AP1G2: variants seen among roughly 807,000 people sequenced by gnomAD.
AP1G2 encodes adaptor related protein complex 1 subunit gamma 2.
AP1G2 carries 85 observed loss-of-function variants against 95.8 expected under a neutral mutation model. That is an observed-to-expected ratio of 0.89 (90% confidence interval 0.74 to 1.06). The LOEUF (loss-of-function observed/expected upper bound fraction) is 1.06. AP1G2 is among the 50% of genes least tolerant of loss of function. AP1G2 has a pLI of 0.00. For synonymous variants in AP1G2, 378 were observed against 400.0 expected (o/e 0.94, Z 0.66); for missense variants, 967 against 1,005.8 (o/e 0.96, Z 0.52).
chr14:23,564,706 G>A (rs1886919340), intron 8 of AP1G2, 46 bp from the exon 9 acceptor site: 1 of 1,573,282 alleles, frequency 6.4e-7, no homozygotes, highest in Non-Finnish European at 8.7e-7. Flanking sequence ...GCCCTCCTCA[G>A]GTCTCCTTTT....
rs756583964 is a variant in AP1G2 at position 23,560,381 on chromosome 14, T to C, written c.2031A>G (p.Gly677=). 2.0e-5 allele frequency: 32 copies of C among 1,613,916 alleles called. No individual in the cohort carries two copies. Among genetic ancestry groups the C allele is most frequent in the Non-Finnish European group, 2.5e-5 (29 of 1,179,996 alleles). ...IPDLKVFERE[G]VQLNLSFIRP... ...GAATGAAAGACAGATTCAGCTGTAC[T>C]CCCTCACGCTCAAACACTTTGAGAT... Residue 677 remains glycine, a synonymous_variant, in exon 20 of 22, where the codon GGA becomes GGG. Coordinates refer to ENST00000397120, the MANE Select transcript of AP1G2 (RefSeq NM_003917.5).
Position 23,566,339 on chromosome 14 carries a change from C to T in AP1G2, c.410G>A (p.Arg137Gln), listed in dbSNP as rs150816856. Reference protein sequence around the residue: ...LSTMGSAEMCRDLAPEVEKLL... With the variant: ...LSTMGSAEMCQDLAPEVEKLL... ...TTTCTCCACCTCTGGGGCCAGGTCT[C>T]GGCACATCTCAGCAGAGCCCATGGT... The change falls in exon 4 of 22, where the codon CGA becomes CAA. Residue 137 changes from arginine (R) to glutamine (Q), a missense_variant. Coordinates refer to ENST00000397120, the MANE Select transcript of AP1G2 (RefSeq NM_003917.5). 1.8e-4 allele frequency: 291 copies of T among 1,613,998 alleles called. 1 individual carries two copies. Among genetic ancestry groups the T allele is most frequent in the Middle Eastern group, 9.9e-4 (6 of 6,062 alleles).
At chr14:23,563,998 C>A in intron 11 of AP1G2, 48 bp downstream of exon 11, 1 of 1,610,802 alleles carries the variant, frequency 6.2e-7, no homozygotes, top group Non-Finnish European at 8.5e-7. Flanking sequence ...GGCCACAGGG[C>A]ACTGGGAACC....
Position 23,561,221 on chromosome 14 carries a change from G to A in AP1G2, c.1993+75C>T, listed in dbSNP as rs576418669. 245 of 1,498,678 alleles carry A rather than the reference G, an allele frequency of 1.6e-4. No homozygotes were observed. The East Asian group carries it at 4.6e-3, about 28-fold the overall frequency. 92.8% of individuals were successfully genotyped at this position (1,498,678 alleles called of 1,614,324 possible). ...GAAGAAGCAGGGTCCATGAGCCTCA[G>A]CCCTTGGCTTAGGAGGAGGAGCAGT... On this transcript the variant is annotated intron_variant, in intron 19 of 21. Coordinates refer to ENST00000397120, the MANE Select transcript of AP1G2 (RefSeq NM_003917.5).
At chr14:23,562,200 G>C in intron 16 of AP1G2, 88 bp downstream of exon 16, 1 of 1,596,942 alleles carries the variant, frequency 6.3e-7, no homozygotes, top group Non-Finnish European at 8.6e-7. Flanking sequence ...GGGGTAGGGA[G>C]GGCTGGGCAT....
At chr14:23,560,216 G>T in intron 20 of AP1G2, 39 bp downstream of exon 20, 1 of 1,606,410 alleles carries the variant, frequency 6.2e-7, no homozygotes, top group East Asian at 2.2e-5. Context: ...TTTTCTCCTG[G>T]AGTCCCCAGG....
Position 23,567,233 on chromosome 14 carries a change from T to A in AP1G2, c.82A>T (p.Ile28Phe). The A allele has an allele frequency of 6.2e-7, 1 of 1,612,774 alleles. No individual in the cohort carries two copies. Among genetic ancestry groups the A allele is most frequent in the Non-Finnish European group, 8.5e-7 (1 of 1,179,338 alleles). ...CGGATGTGGGCACACTCCTTTTGGA[T>A]CACCTCCCGCTCCTGGGCCTGAGTC... ...AKTQAQEREV[I>F]QKECAHIRAS... Residue 28 changes from isoleucine (I) to phenylalanine (F), a missense_variant, in exon 2 of 22, where the codon ATC becomes TTC. Physicochemically the swap from Ile to Phe is conservative, Grantham distance 21 (BLOSUM62 0). Coordinates refer to ENST00000397120, the MANE Select transcript of AP1G2 (RefSeq NM_003917.5). The surrounding 1 kb of genome is among the most constrained non-coding windows in gnomAD (Gnocchi z 5.3).
At position 23,567,240 on chromosome 14, in the gene AP1G2, C is replaced by A; in HGVS notation, c.75G>T (p.Arg25=). 6.2e-7 allele frequency: 1 copy of A among 1,612,990 alleles called. No individual in the cohort carries two copies. Among genetic ancestry groups the A allele is most frequent in the Non-Finnish European group, 8.5e-7 (1 of 1,179,486 alleles). ...GGGCACACTCCTTTTGGATCACCTCCCGCTCCTGGGCCTGAGTCTTGGCCC... is the reference window on the plus strand; with the variant it reads ...GGGCACACTCCTTTTGGATCACCTCACGCTCCTGGGCCTGAGTCTTGGCCC... ...IRGAKTQAQE[R]EVIQKECAHI... is the part of the protein sequence containing the mutation. Residue 25 remains arginine, a synonymous_variant, in exon 2 of 22, where the codon CGG becomes CGT. Transcript: ENST00000397120. This position sits in a 1 kb window ranked among gnomAD's most constrained non-coding sequence, Gnocchi z 5.3.
intron 16 of AP1G2, 51 bp from the exon 17 acceptor site, chr14:23,562,117 G>T (rs767564556): frequency 6.2e-7 from 1 of 1,604,028 alleles, no homozygotes; most frequent in East Asian, 2.2e-5. Context: ...ACTGCAGGAT[G>T]TGGCAAGAAG....
rs376016480 is a variant in AP1G2, at chr14:23,564,636, G to A, written c.847C>T (p.Arg283Ter). 75 of 1,613,664 alleles carry A rather than the reference G, an allele frequency of 4.6e-5. No individual in the cohort carries two copies. Among genetic ancestry groups the A allele is most frequent in the Non-Finnish European group, 5.1e-5 (60 of 1,180,002 alleles). The change falls in exon 9 of 22, where the codon CGA becomes TGA. Residue 283 changes from arginine to a stop codon, truncating the protein, a stop_gained. Coordinates refer to ENST00000397120, the MANE Select transcript of AP1G2 (RefSeq NM_003917.5). LOFTEE classifies it high-confidence loss of function. ...AQVATNTDTS[R>*]NAGNAVLFET... ...AACAGGACCGCATTTCCGGCATTTCGGCTGGTGTCCGTGTTAGTGGCCACC... is the reference window on the plus strand; with the variant it reads ...AACAGGACCGCATTTCCGGCATTTCAGCTGGTGTCCGTGTTAGTGGCCACC...
At chr14:23,561,113 T>C in intron 19 of AP1G2, 183 bp downstream of exon 19, 1 of 1,324,476 alleles carries the variant, frequency 7.6e-7, no homozygotes, top group East Asian at 2.7e-5. Flanking sequence ...GGGAAAGAAG[T>C]CTGGAACAAA....
In AP1G2 at chr14:23,567,630, T is replaced by C; in HGVS notation, c.-6+109A>G. On this transcript the variant is annotated intron_variant, in intron 1 of 21. Coordinates refer to ENST00000397120, the MANE Select transcript of AP1G2 (RefSeq NM_003917.5). This position sits in a 1 kb window ranked among gnomAD's most constrained non-coding sequence, Gnocchi z 5.3. ...CCATCCCTAGCTCAGCCATTGCTTTTTTTTCCACGACCCTCCGCTGTTTCT... is the reference window on the plus strand; with the variant it reads ...CCATCCCTAGCTCAGCCATTGCTTTCTTTTCCACGACCCTCCGCTGTTTCT... 8.8e-7 allele frequency: 1 copy of C among 1,136,622 alleles called. No individual in the cohort carries two copies. Among genetic ancestry groups the C allele is most frequent in the Non-Finnish European group, 1.1e-6 (1 of 925,318 alleles). 70.4% of individuals were successfully genotyped at this position (1,136,622 alleles called of 1,614,324 possible).
rs750696356 is a variant in AP1G2, at chr14:23,566,368, C to T, written c.381G>A (p.Leu127=). ...ACATCTCAGCAGAGCCCATGGTGCTCAAAGTGCACAAGGCCAGGCCTTGTA... is the reference window on the plus strand; with the variant it reads ...ACATCTCAGCAGAGCCCATGGTGCTTAAAGTGCACAAGGCCAGGCCTTGTA... The part of the protein sequence containing the change: ...QPVQGLALCT[L]STMGSAEMCR... Residue 127 remains leucine, a synonymous_variant, in exon 4 of 22, where the codon TTG becomes TTA. Transcript: ENST00000397120. The T allele has an allele frequency of 6.2e-7, 1 of 1,614,036 alleles. No homozygotes were observed. Among genetic ancestry groups the T allele is most frequent in the South Asian group, 1.1e-5 (1 of 91,080 alleles).
In AP1G2 at chr14:23,565,649, G is replaced by T. The variant is rs747639619; in HGVS notation, c.698C>A (p.Ser233Tyr). The stretch of plus-strand genomic sequence containing the variant: ...GACTCCAGATATGCTGTGTTCTGTG[G>T]AGTATCCCATTGTCACCAGAGTCCG... The part of the protein sequence containing the change: ...ILRTLVTMGY[S>Y]TEHSISGVSD... Residue 233 changes from serine (S) to tyrosine (Y), a missense_variant, in exon 7 of 22, where the codon TCC becomes TAC. Transcript: ENST00000397120. The T allele has an allele frequency of 6.2e-7, 1 of 1,614,068 alleles. No homozygotes were observed. Among genetic ancestry groups the T allele is most frequent in the Non-Finnish European group, 8.5e-7 (1 of 1,180,034 alleles).
At position 23,567,581 on chromosome 14, in the gene AP1G2, C is replaced by T. The variant is rs1441945528; in HGVS notation, c.-6+158G>A. On this transcript the variant is annotated intron_variant, in intron 1 of 21. Transcript: ENST00000397120. The surrounding 1 kb of genome is among the most constrained non-coding windows in gnomAD (Gnocchi z 5.3). ...GGGAGCCCCACCTATTTCTCTCTAC[C>T]GTTTCCTCCCCCTACCTGGTACCCC... 5 of 1,272,768 alleles carry T rather than the reference C, an allele frequency of 3.9e-6. No individual in the cohort carries two copies. The highest frequency in any genetic ancestry group is 4.4e-5 in the Admixed American group (1 of 22,904). 78.8% of individuals were successfully genotyped at this position (1,272,768 alleles called of 1,614,324 possible).
At position 23,564,075 on chromosome 14, in the gene AP1G2, A is replaced by T; in HGVS notation, c.1062T>A (p.Cys354Ter). The change falls in exon 11 of 22, where the codon TGT becomes TGA. Residue 354 changes from cysteine (C) to a stop codon, truncating the protein, a stop_gained. Coordinates refer to ENST00000397120, the MANE Select transcript of AP1G2 (RefSeq NM_003917.5). LOFTEE classifies it high-confidence loss of function. ...VQRHRPTVVE[C>*]LRETDASLSR... ...TGAGGGAGGCATCAGTTTCCCGTAG[A>T]CATTCCACCACAGTGGGCCGATGCC... is the stretch of plus-strand genomic sequence containing the variant. 1 of 1,614,180 alleles carries T rather than the reference A, an allele frequency of 6.2e-7. No individual in the cohort carries two copies. The highest frequency in any genetic ancestry group is 8.5e-7 in the Non-Finnish European group (1 of 1,180,030).
Position 23,560,227 on chromosome 14 carries a change from C to A in AP1G2, c.2157+28G>T, listed in dbSNP as rs143633671. The A allele has an allele frequency of 4.0e-4, 643 of 1,610,562 alleles. 3 individuals carry two copies. Among genetic ancestry groups the A allele is most frequent in the East Asian group, 3.9e-3 (173 of 44,840 alleles). On this transcript the variant is annotated intron_variant, in intron 20 of 21. Transcript: ENST00000397120. The stretch of plus-strand genomic sequence containing the variant: ...GGCCTTTTCTCCTGGAGTCCCCAGG[C>A]CACCTCTGAACTCTGATCTTTACAA...
chr14:23,564,917 C>G (rs1297058802), intron 8 of AP1G2: 1 of 642,374 alleles, frequency 1.6e-6, no homozygotes, highest in Non-Finnish European at 2.7e-6. Context: ...TTCCCTGAGG[C>G]TCTACTATGT....
chr14:23,560,427 G>A lies in AP1G2; in HGVS notation c.1994-9C>T. ...GAGATCTGGGATGGGAGCTGGAGTA[G>A]GGAGACAGAAGCAGCTCAGTGTGCA... is the stretch of plus-strand genomic sequence containing the variant. On this transcript the variant is annotated splice_polypyrimidine_tract_variant and intron_variant, in intron 19 of 21. Coordinates refer to ENST00000397120, the MANE Select transcript of AP1G2 (RefSeq NM_003917.5). The A allele has an allele frequency of 6.2e-7, 1 of 1,610,126 alleles. No individual in the cohort carries two copies. The highest frequency in any genetic ancestry group is 8.5e-7 in the Non-Finnish European group (1 of 1,177,338).
Sources: gnomAD v4.1 joint callset for allele counts on GRCh38, gnomAD v4.1.1 for gene constraint, Gnocchi (gnomAD v3.1) non-coding constraint, MANE v1.5 for transcripts, NCBI Gene and HGNC (gene_info 2026-07-23, HGNC 2026-07-21) for gene names.